The following PARN variants were observed in gnomAD, a reference collection of about 807,000 sequenced individuals.
PARN encodes the protein poly(A)-specific ribonuclease PARN.
In PARN, 71 loss-of-function variants were observed where a neutral mutation model predicts 102.8. The observed-to-expected ratio is 0.69, with a 90% CI of 0.57 to 0.84. PARN has a LOEUF of 0.84. Ranked by LOEUF, PARN falls within the 40% of genes least tolerant of loss-of-function variation. PARN has a pLI of 0.00. For synonymous variants in PARN, 261 were observed against 252.9 expected, an observed-to-expected ratio of 1.03 and a Z score of -0.30; for missense variants, 782 against 760.9, an observed-to-expected ratio of 1.03 and a Z score of -0.33.
intron 22 of PARN, among the ~76,000 whole-genome samples, chr16:14,453,510 G>A (rs1961556300): frequency 6.6e-6 from 1 of 152,028 alleles, no homozygotes; most frequent in Non-Finnish European, 1.5e-5. Flanking sequence ...GTTAACTTTG[G>A]GAATTGCTTA....
intron 12 of PARN, among the ~76,000 whole-genome samples, chr16:14,597,836 A>G (rs1970618611): frequency 6.6e-6 from 1 of 152,058 alleles, no homozygotes; most frequent in South Asian, 2.1e-4. Flanking sequence ...AGCAATCAAT[A>G]CCATTCAAAA....
intron 22 of PARN, among the ~76,000 whole-genome samples, chr16:14,472,486 A>G (rs541618607): frequency 2.0e-5 from 3 of 152,312 alleles, no homozygotes; most frequent in African/African-American, 7.2e-5. Context: ...GGTCTCTACC[A>G]CTTTTCCAGT....
At chr16:14,528,398 A>G (rs1376639269) in intron 21 of PARN, among the ~76,000 whole-genome samples, 1 of 152,236 alleles carries the variant, frequency 6.6e-6, no homozygotes, top group Non-Finnish European at 1.5e-5. Context: ...TTCTGGCAGC[A>G]GGTTTTGTCT....
intron 22 of PARN, among the ~76,000 whole-genome samples, chr16:14,471,466 G>A (rs1441277577): frequency 6.6e-6 from 1 of 152,122 alleles, no homozygotes. Context: ...AAGGTTTCAT[G>A]TAAAATTCTA....
At chr16:14,520,699 C>CAA (rs35295923) in intron 21 of PARN, among the ~76,000 whole-genome samples, 60 of 139,284 alleles carry the variant, frequency 4.3e-4, no homozygotes, top group Admixed American at 5.8e-4. Flanking sequence ...AACCCTGTCT[C>CAA]AAAAAAAAAA....
chr16:14,611,756 G>A (rs1455118818), intron 6 of PARN, among the ~76,000 whole-genome samples: 5 of 152,172 alleles, frequency 3.3e-5, no homozygotes, highest in Non-Finnish European at 7.3e-5. Context: ...GGCCAGGCTG[G>A]TTTCGAACTC....
intron 12 of PARN, among the ~76,000 whole-genome samples, chr16:14,598,356 A>C (rs777155752): frequency 2.4e-4 from 36 of 152,180 alleles, no homozygotes; most frequent in Non-Finnish European, 5.3e-4. Context: ...GAAAACAGGT[A>C]CAGCAAGCTA....
At chr16:14,494,204 G>A (rs1964196005) in intron 21 of PARN, among the ~76,000 whole-genome samples, 1 of 152,162 alleles carries the variant, frequency 6.6e-6, no homozygotes, top group Admixed American at 6.5e-5. Flanking sequence ...GGACATTAAT[G>A]AACGCCTGTA....
chr16:14,575,135 T>G (rs753691227), intron 18 of PARN, among the ~76,000 whole-genome samples: 12 of 152,128 alleles, frequency 7.9e-5, no homozygotes, highest in Non-Finnish European at 1.3e-4. Context: ...GGGGCCCTCA[T>G]GGAGAACTTC....
chr16:14,621,749 T>G (rs1348005842), intron 5 of PARN, among the ~76,000 whole-genome samples: 1 of 149,208 alleles, frequency 6.7e-6, no homozygotes, highest in Admixed American at 6.7e-5. Context: ...AGGCAGAGCT[T>G]GCAGTGAGCC....
At chr16:14,533,054 C>T (rs868803130) in intron 21 of PARN, among the ~76,000 whole-genome samples, 6 of 152,080 alleles carry the variant, frequency 3.9e-5, no homozygotes, top group South Asian at 4.1e-4. Flanking sequence ...CCAAGGCAGG[C>T]GGCTGGGAGG....
At chr16:14,609,436 T>C (rs1225318180) in intron 7 of PARN, among the ~76,000 whole-genome samples, 1 of 151,604 alleles carries the variant, frequency 6.6e-6, no homozygotes, top group Non-Finnish European at 1.5e-5. Flanking sequence ...CTGGGAGTGG[T>C]GCAGTGTAAC....
At chr16:14,532,791 G>C (rs1367595763) in intron 21 of PARN, among the ~76,000 whole-genome samples, 1 of 150,350 alleles carries the variant, frequency 6.7e-6, no homozygotes, top group Non-Finnish European at 1.5e-5. Context: ...GGACGGGGCG[G>C]CTGGCCGGGC....
At position 14,482,807 on chromosome 16, in the gene PARN, C is replaced by A. The variant is rs199651788; in HGVS notation, c.1501G>T (p.Ala501Ser). The A allele has an allele frequency of 6.1e-5, 99 of 1,610,134 alleles. No homozygotes were observed. The highest frequency in any genetic ancestry group is 8.5e-5 in the Admixed American group (5 of 59,158). The change falls in exon 22 of 24, where the codon GCA (alanine) becomes TCA (serine). Residue 501 changes from alanine to serine, a missense_variant. Ala to Ser is a moderately conservative substitution (Grantham distance 99, BLOSUM62 1). Transcript: ENST00000437198. ...TAGGTTTGGATCCGATAGCTTTCTG[C>A]ATATTTGCTGGTATTGACAGCTACA... is the stretch of plus-strand genomic sequence containing the variant. ...VKIAVNTSKY[A>S]ESYRIQTYAE...
intron 21 of PARN, among the ~76,000 whole-genome samples, chr16:14,527,715 C>T (rs774714344): frequency 2.0e-5 from 3 of 152,172 alleles, no homozygotes; most frequent in Non-Finnish European, 4.4e-5. Flanking sequence ...TCATCTAACA[C>T]GTGTTTTCTC....
At chr16:14,517,756 G>A (rs1309009602) in intron 21 of PARN, among the ~76,000 whole-genome samples, 1 of 152,090 alleles carries the variant, frequency 6.6e-6, no homozygotes, top group Admixed American at 6.5e-5. Flanking sequence ...TTGGCTCATT[G>A]CAACCTCTAC....
intron 14 of PARN, among the ~76,000 whole-genome samples, chr16:14,585,366 T>C (rs1163413069): frequency 3.6e-5 from 1 of 27,400 alleles, no homozygotes; most frequent in Non-Finnish European, 1.2e-4. Context: ...ATTTCTCTGT[T>C]TTTTTTTTTT....
At chr16:14,567,402 T>C (rs1198953469) in intron 18 of PARN, among the ~76,000 whole-genome samples, 3 of 152,190 alleles carry the variant, frequency 2.0e-5, no homozygotes, top group Non-Finnish European at 2.9e-5. Context: ...ACGTATTTCC[T>C]GGGCTCTTTA....
chr16:14,486,987 A>G (rs1039875679), intron 21 of PARN, among the ~76,000 whole-genome samples: 2 of 152,262 alleles, frequency 1.3e-5, no homozygotes, highest in East Asian at 3.8e-4. Context: ...GTTCCCTCAC[A>G]TAAGAGTCTC....
Sources: allele counts gnomAD v4.1 joint callset (sites outside exome capture counted in the v4.1 genomes callset), GRCh38; gene constraint gnomAD v4.1.1; transcripts MANE v1.5; gene names NCBI Gene and HGNC (gene_info 2026-07-23, HGNC 2026-07-21).